The following MYO15A variants were observed in gnomAD, a reference collection of about 807,000 sequenced individuals.
MYO15A encodes the protein myosin XVA.
A neutral mutation model predicts 394.6 loss-of-function variants in MYO15A; 308 were observed. The observed-to-expected ratio is 0.78, with a 90% CI of 0.71 to 0.86. The LOEUF (loss-of-function observed/expected upper bound fraction) is 0.86, where lower values mean the gene tolerates loss of function less well. Among genes scored for constraint, MYO15A ranks in the 40% least tolerant of loss-of-function variants. The probability of loss-of-function intolerance (pLI) is 0.00; values close to 1 mark genes in which losing one functional copy is unlikely to be tolerated. For missense variants in MYO15A, 4,606 were observed against 4,799.1 expected (o/e 0.96, Z 1.19); for synonymous variants, 1,957 against 2,003.8 (o/e 0.98, Z 0.62).
chr17:18,120,866 G>A lies in MYO15A; in HGVS notation c.2066G>A (p.Arg689Gln). Residue 689 changes from arginine to glutamine, a missense_variant, in exon 2 of 66, where the codon CGG (arginine) becomes CAG (glutamine). By Grantham distance (43) the Arg-to-Gln change is conservative. Around this residue, in one of 2 missense-constraint regions of MYO15A, gnomAD observed 1,830 missense variants for 1,689.7 expected, o/e 1.08. Coordinates refer to ENST00000647165, the MANE Select transcript of MYO15A (RefSeq NM_016239.4). Reference protein sequence around the residue: ...PLSPALSGLPRPASPYGSLRR... With the variant: ...PLSPALSGLPQPASPYGSLRR... ...TCCCCGGCGCTCTCGGGCCTGCCCC[G>A]GCCGGCCTCGCCCTACGGCTCCCTC... is the stretch of plus-strand genomic sequence containing the variant. 2 of 1,250,500 alleles carry A rather than the reference G, an allele frequency of 1.6e-6. No homozygotes were observed. Among genetic ancestry groups the A allele is most frequent in the African/African-American group, 1.6e-5 (1 of 61,588 alleles). 77.5% of individuals were successfully genotyped at this position (1,250,500 alleles called of 1,614,324 possible).
At chr17:18,160,621 G>A (rs1479080626) in intron 56 of MYO15A, 1 of 196,438 alleles carries the variant, frequency 5.1e-6, no homozygotes, top group Non-Finnish European at 1.1e-5. Context: ...TGTGGCCAGG[G>A]GCTGCGGTGT....
At chr17:18,155,488 G>A (rs574435376) in intron 47 of MYO15A, 56 bp downstream of exon 47, 22 of 1,485,722 alleles carry the variant, frequency 1.5e-5, no homozygotes, top group African/African-American at 5.5e-5. Context: ...GACTGGCATC[G>A]GCATTTCCTT....
At position 18,120,283 on chromosome 17, in the gene MYO15A, G is replaced by A. The variant is rs1284476850; in HGVS notation, c.1483G>A (p.Val495Met). 1.2e-6 allele frequency: 2 copies of A among 1,611,810 alleles called. No individual in the cohort carries two copies. Among genetic ancestry groups the A allele is most frequent in the Non-Finnish European group, 1.7e-6 (2 of 1,179,828 alleles). Reference sequence around the variant, plus strand: ...GCTGTTTGGGAAGGAGAAGCTGGAGGTGCCCCTGCCACCCTCTCTGGACAT... The same window carrying A: ...GCTGTTTGGGAAGGAGAAGCTGGAGATGCCCCTGCCACCCTCTCTGGACAT... ...VKLFGKEKLE[V>M]PLPPSLDIPL... The change falls in exon 2 of 66, where the codon GTG (valine) becomes ATG (methionine). Residue 495 changes from valine (V) to methionine (M), a missense_variant. By Grantham distance (21) the Val-to-Met change is conservative. This residue lies in a region of MYO15A where 1,830 missense variants were observed against 1,689.7 expected (regional missense o/e 1.08). Coordinates refer to ENST00000647165, the MANE Select transcript of MYO15A (RefSeq NM_016239.4).
At chr17:18,124,759 C>G (rs1009697595) in intron 3 of MYO15A, 194 bp downstream of exon 3, 23 of 618,046 alleles carry the variant, frequency 3.7e-5, no homozygotes, top group Non-Finnish European at 6.2e-5. Context: ...CTAGCCCCAC[C>G]ACTCACCAGC....
At position 18,117,996 on chromosome 17, in the gene MYO15A, GA is replaced by G. The variant is rs2045814430; in HGVS notation, c.-219-585del. Among the ~76,000 whole-genome samples the G allele has an allele frequency of 6.6e-6, 1 of 152,126 alleles. No homozygotes were observed. The highest frequency in any genetic ancestry group is 2.1e-4 in the South Asian group (1 of 4,824). ...TCCTGGACCCACACAGCCAGTCAGT[GA>G]CAGAGCCTAGGGTCTGAGCCAGGCC... On this transcript the variant is annotated intron_variant, in intron 1 of 65. Coordinates refer to ENST00000647165, the MANE Select transcript of MYO15A (RefSeq NM_016239.4). This position sits in a 1 kb window ranked among gnomAD's most constrained non-coding sequence, Gnocchi z 4.1.
At chr17:18,131,724 G>GC (rs2046171545) in intron 10 of MYO15A, among the ~76,000 whole-genome samples, 193 bp downstream of exon 10, 1 of 151,794 alleles carries the variant, frequency 6.6e-6, no homozygotes, top group Non-Finnish European at 1.5e-5. Flanking sequence ...TCCCTGCCCC[G>GC]CAGCACACAG....
rs896608276 is a variant in MYO15A at position 18,121,437 on chromosome 17, C to T, written c.2637C>T (p.Pro879=). ...CGTGGCGGCGCCTCAGCGAGCCACCCACTCGGGCTGTGAAGCCGCAAGTGC... is the reference window on the plus strand; with the variant it reads ...CGTGGCGGCGCCTCAGCGAGCCACCTACTCGGGCTGTGAAGCCGCAAGTGC... ...PHTWRRLSEP[P]TRAVKPQVRL... The change falls in exon 2 of 66, where the codon CCC becomes CCT. Residue 879 remains proline, a synonymous_variant. Transcript: ENST00000647165. The surrounding 1 kb of genome is among the most constrained non-coding windows in gnomAD (Gnocchi z 5.3). 1.2e-5 allele frequency: 18 copies of T among 1,546,864 alleles called. 1 individual carries two copies. The African/African-American group carries it at 2.3e-4, about 20-fold the overall frequency.
intron 57 of MYO15A, among the ~76,000 whole-genome samples, chr17:18,162,262 G>A (rs1319285898): frequency 6.6e-6 from 1 of 152,180 alleles, no homozygotes; most frequent in Admixed American, 6.5e-5. Flanking sequence ...CACAGAGCCT[G>A]TGAGATACAA....
At chr17:18,138,418 G>A (rs1012415226) in intron 17 of MYO15A, among the ~76,000 whole-genome samples, 172 bp downstream of exon 17, 3 of 152,312 alleles carry the variant, frequency 2.0e-5, no homozygotes, top group East Asian at 1.9e-4. Context: ...CAGATGGGCC[G>A]CTGTGGGTGT....
rs762389038 is a variant in MYO15A, at chr17:18,158,980, A to G, written c.9139A>G (p.Met3047Val). The G allele has an allele frequency of 1.2e-5, 20 of 1,613,892 alleles. No individual in the cohort carries two copies. The highest frequency in any genetic ancestry group is 1.7e-5 in the Non-Finnish European group (20 of 1,179,916). Residue 3047 changes from methionine to valine, a missense_variant, in exon 53 of 66, where the codon ATG becomes GTG. Met to Val is a conservative substitution (Grantham distance 21, BLOSUM62 1). This residue lies in a region of MYO15A where 2,776 missense variants were observed against 3,109.3 expected (regional missense o/e 0.89). Coordinates refer to ENST00000647165, the MANE Select transcript of MYO15A (RefSeq NM_016239.4). Reference protein sequence around the residue: ...EPRESRTLEDMLCFTKTPLQE... With the variant: ...EPRESRTLEDVLCFTKTPLQE... ...TCGGGAGTCCAGAACCTTGGAGGAC[A>G]TGCTTTGCTTCACCAAGGTGTCCAG...
chr17:18,139,182 T>A (rs200285822), intron 18 of MYO15A: 1 of 634,288 alleles, frequency 1.6e-6, no homozygotes, highest in East Asian at 2.9e-5. Flanking sequence ...GTGGGTTTGA[T>A]AAAGAGTAGC....
Position 18,120,795 on chromosome 17 carries a change from GC to G in MYO15A, c.2000del (p.Pro667ArgfsTer61), listed in dbSNP as rs1597754305. The G allele has an allele frequency of 1.1e-5, 14 of 1,304,200 alleles. No homozygotes were observed. The South Asian group carries it at 1.3e-4, about 12-fold the overall frequency. 80.8% of individuals were successfully genotyped at this position (1,304,200 alleles called of 1,614,324 possible). ...HWSALLSPPV[P>X]PRPPSSGPPP... ...GGAGCGCGCTCCTGTCTCCGCCCGTGCCCCCGCGGCCCCCAAGCTCCGGGCC... is the reference window on the plus strand; with the variant it reads ...GGAGCGCGCTCCTGTCTCCGCCCGTGCCCCGCGGCCCCCAAGCTCCGGGCC... On this transcript the variant is annotated frameshift_variant, in exon 2 of 66. Transcript: ENST00000647165. LOFTEE classifies it high-confidence loss of function.
Position 18,166,463 on chromosome 17 carries a change from T to G in MYO15A, c.9890T>G (p.Leu3297Arg), listed in dbSNP as rs1429626126. Residue 3297 changes from leucine (L) to arginine (R), a missense_variant, in exon 61 of 66, where the codon CTC (leucine) becomes CGC (arginine). Leu to Arg is a moderately radical substitution (Grantham distance 102). This residue lies in a region of MYO15A where 2,776 missense variants were observed against 3,109.3 expected (regional missense o/e 0.89). Transcript: ENST00000647165. ...TACATGCTCTGGTTCCGGCGTGTGCTCTGGGATCAGCCACTCAAGTTCGAG... is the reference window on the plus strand; with the variant it reads ...TACATGCTCTGGTTCCGGCGTGTGCGCTGGGATCAGCCACTCAAGTTCGAG... ...GGYMLWFRRV[L>R]WDQPLKFENE... 1 of 1,614,052 alleles carries G rather than the reference T, an allele frequency of 6.2e-7. No homozygotes were observed. The highest frequency in any genetic ancestry group is 8.5e-7 in the Non-Finnish European group (1 of 1,180,034).
At position 18,178,998 on chromosome 17, in the gene MYO15A, C is replaced by G. The variant is rs2142451774; in HGVS notation, c.*128C>G. 1 of 908,620 alleles carries G rather than the reference C, an allele frequency of 1.1e-6. No homozygotes were observed. The highest frequency in any genetic ancestry group is 2.6e-5 in the East Asian group (1 of 37,972). The allele number at this position is 908,620 out of a possible 1,614,324, so 56.3% of individuals were successfully genotyped here. The stretch of plus-strand genomic sequence containing the variant: ...AGCCTTGGAGGACACTAAGAGGAGG[C>G]AGGAGGAGCAACTCAAATCCCCAAG... On this transcript the variant is annotated 3_prime_UTR_variant, in exon 66 of 66. Coordinates refer to ENST00000647165, the MANE Select transcript of MYO15A (RefSeq NM_016239.4).
intron 12 of MYO15A, among the ~76,000 whole-genome samples, chr17:18,134,295 G>GT (rs1158558222): frequency 6.6e-6 from 1 of 152,122 alleles, no homozygotes; most frequent in Admixed American, 6.6e-5. Context: ...GGCCTGTTGG[G>GT]TTTTTTATGC....
At position 18,140,583 on chromosome 17, in the gene MYO15A, T is replaced by G. The variant is rs757604033; in HGVS notation, c.5278T>G (p.Ser1760Ala). 3.1e-6 allele frequency: 5 copies of G among 1,613,722 alleles called. No individual in the cohort carries two copies. The highest frequency in any genetic ancestry group is 3.4e-6 in the Non-Finnish European group (4 of 1,180,038). The stretch of plus-strand genomic sequence containing the variant: ...CCCTCAGCGCCTGGGCAAGAGCAGC[T>G]CCGTCACTCGGCTCTACAAGGCGCA... ...AAPQRLGKSS[S>A]VTRLYKAHTV... The change falls in exon 20 of 66, where the codon TCC (serine) becomes GCC (alanine). Residue 1760 changes from serine (S) to alanine (A), a missense_variant. Coordinates refer to ENST00000647165, the MANE Select transcript of MYO15A (RefSeq NM_016239.4).
At chr17:18,174,059 G>A (rs989554616) in intron 65 of MYO15A, 138 bp downstream of exon 65, 20 of 1,249,672 alleles carry the variant, frequency 1.6e-5, no homozygotes, top group African/African-American at 4.5e-5. Flanking sequence ...AGCACAGCAC[G>A]GAACTGCAGA....
Position 18,147,880 on chromosome 17 carries a change from T to C in MYO15A, c.6510-149T>C. The C allele has an allele frequency of 2.0e-6, 2 of 991,822 alleles. No individual in the cohort carries two copies. The highest frequency in any genetic ancestry group is 1.4e-5 in the South Asian group (1 of 72,780). 61.4% of individuals were successfully genotyped at this position (991,822 alleles called of 1,614,324 possible). On this transcript the variant is annotated intron_variant, in intron 30 of 65. Transcript: ENST00000647165. The surrounding 1 kb of genome is among the most constrained non-coding windows in gnomAD (Gnocchi z 4.4). ...AGCCTGGGACCCTTGTGAACCAGCC[T>C]GGAGCCTTTTTAGCCTCACCTTGGA...
chr17:18,167,728 G>C lies in MYO15A; in HGVS notation c.10082+5G>C. ...CCACTTCTACCTGCCGAGCGTGTGA[G>C]CATCTGCCCTCCTGCCTCAGCTGGG... On this transcript the variant is annotated splice_donor_5th_base_variant and intron_variant, in intron 62 of 65. Transcript: ENST00000647165. 6.2e-7 allele frequency: 1 copy of C among 1,602,634 alleles called. No homozygotes were observed. Among genetic ancestry groups the C allele is most frequent in the Non-Finnish European group, 8.5e-7 (1 of 1,179,938 alleles).
Sources: allele counts gnomAD v4.1 joint callset (sites outside exome capture counted in the v4.1 genomes callset), GRCh38; gene constraint gnomAD v4.1.1; regional missense constraint gnomAD v4.1.1; non-coding constraint Gnocchi (gnomAD v3.1); transcripts MANE v1.5; gene names NCBI Gene and HGNC (gene_info 2026-07-23, HGNC 2026-07-21).